The following CBX5 variants were observed in gnomAD, a reference collection of about 807,000 sequenced individuals.
CBX5 encodes chromobox protein homolog 5.
Under a neutral mutation model 20.7 loss-of-function variants are expected in CBX5, and 7 were observed. The ratio of observed to expected loss-of-function variants is 0.34; its 90% CI spans 0.19 to 0.63. The LOEUF is 0.63. CBX5 is among the 30% of genes least tolerant of loss of function. CBX5 has a pLI of 0.75. For missense variants in CBX5, 110 were observed against 224.1 expected, an observed-to-expected ratio of 0.49 and a Z score of 3.25; for synonymous variants, 78 against 77.0, an observed-to-expected ratio of 1.01 and a Z score of -0.07.
chr12:54,253,413 TC>T (rs1226828977), intron 2 of CBX5, among the ~76,000 whole-genome samples: 1 of 151,052 alleles, frequency 6.6e-6, no homozygotes, highest in Non-Finnish European at 1.5e-5. Context: ...AGACTCTATC[TC>T]AAAAAAAAAC....
At position 54,231,453 on chromosome 12, in the gene CBX5, TGG is replaced by T. The variant is rs1429625473; in HGVS notation, c.*10300_*10301del. The T allele has an allele frequency of 2.6e-5, 4 of 154,758 alleles. 1 individual carries two copies. The East Asian group carries it at 7.7e-4, about 30-fold the overall frequency. The allele number at this position is 154,758 out of a possible 1,614,324, so 9.6% of individuals were successfully genotyped here. A position where few individuals can be genotyped will look rare whatever the true frequency, so the allele number is the denominator to read the frequency against. ...CAGAACCATCTGGTACTGCTAGTGC[TGG>T]GTGAACAGTGAGAGCAGAGTCCACA... On this transcript the variant is annotated 3_prime_UTR_variant, in exon 5 of 5. Transcript: ENST00000209875.
At position 54,241,747 on chromosome 12, in the gene CBX5, C is replaced by G; in HGVS notation, c.*8G>C. The G allele has an allele frequency of 6.2e-7, 1 of 1,607,722 alleles. No homozygotes were observed. The highest frequency in any genetic ancestry group is 8.5e-7 in the Non-Finnish European group (1 of 1,178,218). ...TACAAAGAGAAATGACAGAGACCAT[C>G]CCCTCCTTTAGCTCTTTGCTGTTTC... is the stretch of plus-strand genomic sequence containing the variant. On this transcript the variant is annotated 3_prime_UTR_variant, in exon 5 of 5. Transcript: ENST00000209875.
At chr12:54,269,668 T>C (rs1378427277) in intron 1 of CBX5, among the ~76,000 whole-genome samples, 1 of 152,198 alleles carries the variant, frequency 6.6e-6, no homozygotes, top group Non-Finnish European at 1.5e-5. Flanking sequence ...ATTACAGGCA[T>C]GAGCCATCAT....
chr12:54,279,572 G>T (rs977996858), intron 1 of CBX5, among the ~76,000 whole-genome samples: 4 of 152,142 alleles, frequency 2.6e-5, no homozygotes, highest in Non-Finnish European at 5.9e-5. Flanking sequence ...CTTTCCTTAG[G>T]CTGTCCGTCT....
Position 54,257,677 on chromosome 12 carries a change from T to G in CBX5, c.-27A>C, listed in dbSNP as rs372177224. 9 of 1,613,856 alleles carry G rather than the reference T, an allele frequency of 5.6e-6. 1 individual carries two copies. In the Middle Eastern group the frequency reaches 9.9e-4, roughly 177 times the overall value. On this transcript the variant is annotated 5_prime_UTR_variant, in exon 2 of 5. Coordinates refer to ENST00000209875, the MANE Select transcript of CBX5 (RefSeq NM_012117.3). ...TCGCACACCGTTCCACCTGAAAGAC[T>G]AAGGCCACCAGGTCCCTGCAAAGGC...
chr12:54,265,267 A>G (rs1266600565), intron 1 of CBX5, among the ~76,000 whole-genome samples: 1 of 152,246 alleles, frequency 6.6e-6, no homozygotes, highest in Non-Finnish European at 1.5e-5. Context: ...CCAAACTTAC[A>G]GAAACATTTT....
Position 54,241,747 on chromosome 12 carries a change from C to T in CBX5, c.*8G>A, listed in dbSNP as rs1240210215. 6.2e-7 allele frequency: 1 copy of T among 1,607,722 alleles called. No individual in the cohort carries two copies. The highest frequency in any genetic ancestry group is 8.5e-7 in the Non-Finnish European group (1 of 1,178,218). On this transcript the variant is annotated 3_prime_UTR_variant, in exon 5 of 5. Transcript: ENST00000209875. ...TACAAAGAGAAATGACAGAGACCATCCCCTCCTTTAGCTCTTTGCTGTTTC... is the reference window on the plus strand; with the variant it reads ...TACAAAGAGAAATGACAGAGACCATTCCCTCCTTTAGCTCTTTGCTGTTTC...
At position 54,261,511 on chromosome 12, in the gene CBX5, G is replaced by A. The variant is rs369339129; in HGVS notation, c.-42-3819C>T. ...GGGGTTTCATCATGTTGGCCAGGATGGTCTCGATTTCCTCATCTTGTGATC... is the reference window on the plus strand; with the variant it reads ...GGGGTTTCATCATGTTGGCCAGGATAGTCTCGATTTCCTCATCTTGTGATC... On this transcript the variant is annotated intron_variant, in intron 1 of 4. Coordinates refer to ENST00000209875, the MANE Select transcript of CBX5 (RefSeq NM_012117.3). Among the ~76,000 whole-genome samples the A allele has an allele frequency of 2.2e-3, 340 of 152,050 alleles. 4 individuals are homozygous for A. The highest frequency in any genetic ancestry group is 8.1e-3 in the African/African-American group (335 of 41,488).
At chr12:54,245,392 C>G (rs1247519554) in intron 4 of CBX5, among the ~76,000 whole-genome samples, 1 of 152,168 alleles carries the variant, frequency 6.6e-6, no homozygotes, top group East Asian at 1.9e-4. Flanking sequence ...CATTCTGAAG[C>G]ATAATTCCCA....
At chr12:54,275,477 A>G (rs958101128) in intron 1 of CBX5, among the ~76,000 whole-genome samples, 2 of 151,894 alleles carry the variant, frequency 1.3e-5, no homozygotes, top group African/African-American at 4.8e-5. Context: ...TCCTGAACTC[A>G]TGATCTGCCC....
chr12:54,243,875 A>T (rs1358686782), intron 4 of CBX5, among the ~76,000 whole-genome samples: 1 of 152,198 alleles, frequency 6.6e-6, no homozygotes, highest in Admixed American at 6.5e-5. Context: ...TCTCAAAAAA[A>T]CAAAACAAAA....
At chr12:54,247,528 C>G (rs1943748616) in intron 3 of CBX5, among the ~76,000 whole-genome samples, 1 of 152,134 alleles carries the variant, frequency 6.6e-6, no homozygotes, top group African/African-American at 2.4e-5. Context: ...GAGAACCTGT[C>G]TCTTAAGAGA....
chr12:54,245,306 C>T (rs1323795363), intron 4 of CBX5, among the ~76,000 whole-genome samples: 3 of 151,946 alleles, frequency 2.0e-5, no homozygotes, highest in South Asian at 2.1e-4. Flanking sequence ...CCACTGCATC[C>T]GACCTTTATA....
At chr12:54,255,940 A>G (rs1943859109) in intron 2 of CBX5, 1 of 152,214 alleles carries the variant, frequency 6.6e-6, no homozygotes, top group Non-Finnish European at 1.5e-5. Context: ...AATCGAAGAG[A>G]GCACAAGAGG....
chr12:54,254,409 G>A (rs1943843755), intron 2 of CBX5, among the ~76,000 whole-genome samples: 1 of 149,686 alleles, frequency 6.7e-6, no homozygotes, highest in South Asian at 2.1e-4. Context: ...GACTCAAGTA[G>A]AAAGCAGAAA....
chr12:54,262,766 A>G (rs897264890), intron 1 of CBX5: 1 of 152,552 alleles, frequency 6.6e-6, no homozygotes, highest in African/African-American at 2.4e-5. Flanking sequence ...TAAAGCATCA[A>G]GACTGGTGGT....
At chr12:54,278,780 C>G (rs1354175989) in intron 1 of CBX5, 2 of 152,204 alleles carry the variant, frequency 1.3e-5, no homozygotes, top group African/African-American at 4.8e-5. Flanking sequence ...CCCCAGAACC[C>G]TAAATATTAC....
At chr12:54,245,969 G>GGGGC in intron 4 of CBX5, 146 bp downstream of exon 4, 1 of 628,610 alleles carries the variant, frequency 1.6e-6, no homozygotes, top group Non-Finnish European at 2.9e-6. Flanking sequence ...GCAACAAAGG[G>GGGGC]CGAAACACTG....
chr12:54,272,014 G>A (rs1162427948), intron 1 of CBX5: 1 of 152,200 alleles, frequency 6.6e-6, no homozygotes, highest in Non-Finnish European at 1.5e-5. Context: ...CCTGTGAGGT[G>A]AGTTGCACAG....
Sources: gnomAD v4.1 joint callset for allele counts (sites outside exome capture counted in the v4.1 genomes callset) on GRCh38, gnomAD v4.1.1 for gene constraint, MANE v1.5 for transcripts, NCBI Gene and HGNC (gene_info 2026-07-23, HGNC 2026-07-21) for gene names.